The following PLEKHM1 variants were observed in gnomAD, a reference collection of about 807,000 sequenced individuals.
PLEKHM1 encodes the protein pleckstrin homology domain-containing family M member 1.
In PLEKHM1, 28 loss-of-function variants were observed where a neutral mutation model predicts 94.3. The ratio of observed to expected loss-of-function variants is 0.30; its 90% CI spans 0.22 to 0.41. The LOEUF (loss-of-function observed/expected upper bound fraction) is 0.41, where lower values mean the gene tolerates loss of function less well. Among genes scored for constraint, PLEKHM1 ranks in the 10% least tolerant of loss-of-function variants. PLEKHM1 has a pLI of 1.00. For missense variants in PLEKHM1, 907 were observed against 1,358.6 expected, an observed-to-expected ratio of 0.67 and a Z score of 5.22; for synonymous variants, 424 against 581.2, an observed-to-expected ratio of 0.73 and a Z score of 3.89.
At chr17:45,440,460 C>T in intron 9 of PLEKHM1, 2 of 606,784 alleles carry the variant, frequency 3.3e-6, no homozygotes, top group Non-Finnish European at 5.9e-6. Flanking sequence ...CTTGGGTTTC[C>T]CTCTCTGGGA....
At chr17:45,475,896 C>T in intron 3 of PLEKHM1, 170 bp from the exon 4 acceptor site, 2 of 774,388 alleles carry the variant, frequency 2.6e-6, no homozygotes, top group Admixed American at 4.1e-5. Context: ...ACCTGTAATC[C>T]CAGCACTTTG....
chr17:45,473,616 T>C (rs1223236497), intron 4 of PLEKHM1, among the ~76,000 whole-genome samples: 1 of 151,970 alleles, frequency 6.6e-6, no homozygotes, highest in Non-Finnish European at 1.5e-5. Context: ...TGGAGTGCAG[T>C]GGCACGATCT....
rs1415422573 is a variant in PLEKHM1 at position 45,436,095 on chromosome 17, G to A, written c.*1763C>T. On this transcript the variant is annotated 3_prime_UTR_variant, in exon 12 of 12. Transcript: ENST00000430334. ...GGAGGCGGGAAGAGTCAATGCATCT[G>A]AAAGCACTGGCAGCTTCTGGGGAAC... 2 of 456,544 alleles carry A rather than the reference G, an allele frequency of 4.4e-6. No homozygotes were observed. Among genetic ancestry groups the A allele is most frequent in the Non-Finnish European group, 8.8e-6 (2 of 226,978 alleles). 28.3% of individuals were successfully genotyped at this position (456,544 alleles called of 1,614,324 possible).
rs1433119369 is a variant in PLEKHM1 at position 45,437,414 on chromosome 17, G to A, written c.*444C>T. 2 of 454,918 alleles carry A rather than the reference G, an allele frequency of 4.4e-6. No homozygotes were observed. Among genetic ancestry groups the A allele is most frequent in the African/African-American group, 4.0e-5 (2 of 50,064 alleles). The allele number at this position is 454,918 out of a possible 1,614,324, so 28.2% of individuals were successfully genotyped here. On this transcript the variant is annotated 3_prime_UTR_variant, in exon 12 of 12. Coordinates refer to ENST00000430334, the MANE Select transcript of PLEKHM1 (RefSeq NM_014798.3). The surrounding 1 kb of genome is among the most constrained non-coding windows in gnomAD (Gnocchi z 4.0). ...TGTCTGGATTTCATGGGTGACTCAC[G>A]TAGGGTCAAGAATAAAAAAATACTT...
rs370244543 is a variant in PLEKHM1 at position 45,454,021 on chromosome 17, C to T, written c.1831G>A (p.Asp611Asn). The part of the protein sequence containing the change: ...KKLALRASSQ[D>N]EAEDWLDRVR... ...CGGTCCAGCCAGTCCTCAGCTTCGT[C>T]CTGGGAGGAGGCGCGCAGGGCCAGC... The change falls in exon 7 of 12, where the codon GAC (aspartate) becomes AAC (asparagine). Residue 611 changes from aspartate (D) to asparagine (N), a missense_variant. By Grantham distance (23) the Asp-to-Asn change is conservative (BLOSUM62 1). Transcript: ENST00000430334. 9 of 1,614,146 alleles carry T rather than the reference C, an allele frequency of 5.6e-6. No homozygotes were observed. The highest frequency in any genetic ancestry group is 1.3e-5 in the African/African-American group (1 of 75,068).
Position 45,454,000 on chromosome 17 carries a change from C to T in PLEKHM1, c.1852G>A (p.Asp618Asn), listed in dbSNP as rs1270232345. ...TTCTGCAGGGCCTCCCGCACCCGGTCCAGCCAGTCCTCAGCTTCGTCCTGG... is the reference window on the plus strand; with the variant it reads ...TTCTGCAGGGCCTCCCGCACCCGGTTCAGCCAGTCCTCAGCTTCGTCCTGG... ...SSQDEAEDWL[D>N]RVREALQKVR... Residue 618 changes from aspartate (D) to asparagine (N), a missense_variant, in exon 7 of 12, where the codon GAC (aspartate) becomes AAC (asparagine). Around this residue, in one of 3 missense-constraint regions of PLEKHM1, gnomAD observed 477 missense variants for 601.5 expected, o/e 0.79. Coordinates refer to ENST00000430334, the MANE Select transcript of PLEKHM1 (RefSeq NM_014798.3). This position sits in a 1 kb window ranked among gnomAD's most constrained non-coding sequence, Gnocchi z 4.1. 1.2e-6 allele frequency: 2 copies of T among 1,613,954 alleles called. No individual in the cohort carries two copies. Among genetic ancestry groups the T allele is most frequent in the African/African-American group, 2.7e-5 (2 of 74,944 alleles).
chr17:45,457,584 G>C (rs2051004607), intron 6 of PLEKHM1, among the ~76,000 whole-genome samples: 1 of 151,392 alleles, frequency 6.6e-6, no homozygotes, highest in Non-Finnish European at 1.5e-5. Flanking sequence ...AATTAGCCAG[G>C]TGTGGTGGCA....
chr17:45,472,119 T>G (rs1276620319), intron 4 of PLEKHM1, among the ~76,000 whole-genome samples: 1 of 152,266 alleles, frequency 6.6e-6, no homozygotes, highest in Non-Finnish European at 1.5e-5. Context: ...AATTTAAAGT[T>G]ACAAATATTT....
At position 45,482,495 on chromosome 17, in the gene PLEKHM1, G is replaced by A. The variant is rs771706238; in HGVS notation, c.-11C>T. Reference sequence around the variant, plus strand: ...CACCACTGAAAGCATCTCCACTCACGCAGCTGCTCCCTCAGAGAATCACAT... The same window carrying A: ...CACCACTGAAAGCATCTCCACTCACACAGCTGCTCCCTCAGAGAATCACAT... On this transcript the variant is annotated 5_prime_UTR_variant, in exon 2 of 12. Transcript: ENST00000430334. The A allele has an allele frequency of 2.2e-5, 22 of 1,005,990 alleles. No homozygotes were observed. Among genetic ancestry groups the A allele is most frequent in the Non-Finnish European group, 2.5e-5 (16 of 641,416 alleles). 62.3% of individuals were successfully genotyped at this position (1,005,990 alleles called of 1,614,324 possible). A position where few individuals can be genotyped will look rare whatever the true frequency, so the allele number is the denominator to read the frequency against.
At chr17:45,468,619 G>C (rs1198831277) in intron 4 of PLEKHM1, 26 bp from the exon 5 acceptor site, 2 of 1,613,744 alleles carry the variant, frequency 1.2e-6, no homozygotes, top group Non-Finnish European at 1.7e-6. Context: ...AAAGAAACCT[G>C]TGTGACAGGT....
chr17:45,448,915 C>T (rs916792638), intron 8 of PLEKHM1, among the ~76,000 whole-genome samples: 1 of 152,056 alleles, frequency 6.6e-6, no homozygotes, highest in Non-Finnish European at 1.5e-5. Context: ...CAGTATGAGT[C>T]CTGTGTGATC....
At chr17:45,435,770 C>T (rs1179547714), downstream of PLEKHM1, 3 of 361,970 alleles carry the variant, frequency 8.3e-6, no homozygotes, top group East Asian at 7.3e-5. Context: ...CAAGTGTTTG[C>T]CACGGACCTC....
chr17:45,474,316 C>G (rs1233354658), intron 4 of PLEKHM1, among the ~76,000 whole-genome samples: 3 of 152,154 alleles, frequency 2.0e-5, no homozygotes, highest in Non-Finnish European at 4.4e-5. Context: ...CTTGGCCTCC[C>G]AAGGTGCTGG....
chr17:45,442,794 A>C (rs2050488786), intron 9 of PLEKHM1, among the ~76,000 whole-genome samples: 1 of 152,034 alleles, frequency 6.6e-6, no homozygotes, highest in African/African-American at 2.4e-5. Context: ...TGGCAGATCA[A>C]ATCCAAAGGC....
intron 5 of PLEKHM1, among the ~76,000 whole-genome samples, chr17:45,464,724 G>A (rs1472806893): frequency 6.6e-6 from 1 of 152,172 alleles, no homozygotes; most frequent in Admixed American, 6.5e-5. Context: ...CCAGCAATCA[G>A]AGTCCCCTGT....
At chr17:45,485,489 C>A (rs1308405222) in intron 1 of PLEKHM1, among the ~76,000 whole-genome samples, 2 of 152,108 alleles carry the variant, frequency 1.3e-5, no homozygotes, top group Non-Finnish European at 2.9e-5. Context: ...ATAGCCCAGG[C>A]CCATTAAGAC....
intron 5 of PLEKHM1, among the ~76,000 whole-genome samples, chr17:45,464,488 G>A (rs1391014120): frequency 6.6e-6 from 1 of 152,126 alleles, no homozygotes; most frequent in African/African-American, 2.4e-5. Context: ...AGGACCACAG[G>A]GGCAGACATG....
chr17:45,478,021 T>A lies in PLEKHM1; in HGVS notation c.175A>T (p.Ile59Phe), dbSNP rs2051812352. 6.2e-7 allele frequency: 1 copy of A among 1,614,094 alleles called. No homozygotes were observed. The highest frequency in any genetic ancestry group is 1.7e-5 in the Admixed American group (1 of 59,998). Reference protein sequence around the residue: ...TMCSALEAVFIHGLHAKHIRA... With the variant: ...TMCSALEAVFFHGLHAKHIRA... The stretch of plus-strand genomic sequence containing the variant: ...ATGTGCTTGGCGTGCAGGCCATGGA[T>A]AAATACGGCCTCCAGGGCGCTGCAC... Residue 59 changes from isoleucine (I) to phenylalanine (F), a missense_variant, in exon 3 of 12, where the codon ATC becomes TTC. Ile to Phe is a conservative substitution (Grantham distance 21). Around this residue, in one of 3 missense-constraint regions of PLEKHM1, gnomAD observed 176 missense variants for 306.0 expected, o/e 0.58. Transcript: ENST00000430334.
chr17:45,474,802 G>A (rs971829431), intron 4 of PLEKHM1, among the ~76,000 whole-genome samples: 6 of 152,152 alleles, frequency 3.9e-5, no homozygotes, highest in Non-Finnish European at 8.8e-5. Flanking sequence ...CAAGTGCTGG[G>A]ATTTCAGGCA....
Sources: gnomAD v4.1 joint callset for allele counts (sites outside exome capture counted in the v4.1 genomes callset) on GRCh38, gnomAD v4.1.1 for gene constraint, gnomAD v4.1.1 regional missense constraint, Gnocchi (gnomAD v3.1) non-coding constraint, MANE v1.5 for transcripts, NCBI Gene and HGNC (gene_info 2026-07-23, HGNC 2026-07-21) for gene names.